The following PLXNB2 variants were observed in gnomAD, a reference collection of about 807,000 sequenced individuals.
PLXNB2 encodes the protein plexin B2, also known as plexin-B2.
Under a neutral mutation model 202.6 loss-of-function variants are expected in PLXNB2, and 85 were observed. That is an observed-to-expected ratio of 0.42 (90% CI 0.35 to 0.50). The LOEUF is 0.50. Ranked by LOEUF, PLXNB2 falls within the 20% of genes least tolerant of loss-of-function variation. PLXNB2 has a pLI of 0.02. For synonymous variants in PLXNB2, 1,239 were observed against 1,137.6 expected (o/e 1.09, Z -1.79); for missense variants, 2,063 against 2,586.2 (o/e 0.80, Z 4.39).
intron 1 of PLXNB2, among the ~76,000 whole-genome samples, chr22:50,295,591 C>CTA (rs2067204141): frequency 6.6e-6 from 1 of 152,200 alleles, no homozygotes; most frequent in South Asian, 2.1e-4. Context: ...TAAACACCGA[C>CTA]TATACCCACA....
At position 50,286,037 on chromosome 22, in the gene PLXNB2, G is replaced by A. The variant is rs371571515; in HGVS notation, c.1939C>T (p.Arg647Trp). 9.3e-6 allele frequency: 15 copies of A among 1,612,268 alleles called. No homozygotes were observed. The highest frequency in any genetic ancestry group is 6.7e-5 in the East Asian group (3 of 44,884). ...TCCTCAGGGTTGGGCGAAGCCTCCC[G>A]GCACTCGTGGTAGCGCAGGTCCCAC... ...CQWDLRYHEC[R>W]EASPNPEDGI... Residue 647 changes from arginine (R) to tryptophan (W), a missense_variant, in exon 10 of 37, where the codon CGG (arginine) becomes TGG (tryptophan). Transcript: ENST00000359337.
chr22:50,285,717 C>T, intron 11 of PLXNB2, 83 bp downstream of exon 11: 2 of 909,576 alleles, frequency 2.2e-6, no homozygotes. Context: ...TCCCTCCGTA[C>T]CTGAGCCTGC....
At chr22:50,277,015 G>A in intron 33 of PLXNB2, 109 bp from the exon 34 acceptor site, 2 of 769,356 alleles carry the variant, frequency 2.6e-6, no homozygotes, top group Non-Finnish European at 4.4e-6. Context: ...CTTTCATCAA[G>A]AAAACTATGG....
chr22:50,301,181 C>T (rs1157325972), intron 1 of PLXNB2, among the ~76,000 whole-genome samples: 4 of 152,198 alleles, frequency 2.6e-5, no homozygotes, highest in Non-Finnish European at 5.9e-5. Flanking sequence ...CAGTTGGCTA[C>T]GGCGCCCTGT....
intron 7 of PLXNB2, 35 bp from the exon 8 acceptor site, chr22:50,287,299 C>T: frequency 1.4e-6 from 2 of 1,455,766 alleles, no homozygotes; most frequent in Non-Finnish European, 1.8e-6. Flanking sequence ...CACTGGGAAC[C>T]CCGAGTCCTG....
chr22:50,278,018 G>C lies in PLXNB2; in HGVS notation c.4888-5C>G, dbSNP rs372462522. On this transcript the variant is annotated splice_region_variant and splice_polypyrimidine_tract_variant and intron_variant, in intron 31 of 36. Coordinates refer to ENST00000359337, the MANE Select transcript of PLXNB2 (RefSeq NM_012401.4). ...CACAAACTGCTGCAGTGTGCCCTGT[G>C]GGGGGGAGGGTCTCAGCGTGACGCC... is the stretch of plus-strand genomic sequence containing the variant. 2 of 1,607,214 alleles carry C rather than the reference G, an allele frequency of 1.2e-6. No individual in the cohort carries two copies. Among genetic ancestry groups the C allele is most frequent in the East Asian group, 2.2e-5 (1 of 44,788 alleles).
chr22:50,287,581 G>T lies in PLXNB2; in HGVS notation c.1608+86C>A, dbSNP rs968028783. On this transcript the variant is annotated intron_variant, in intron 7 of 36. Transcript: ENST00000359337. ...CGGGGGAGATGTGGAGCCCTCCCCT[G>T]CCTGTCCCAACAGCTCCCAGCATGG... is the stretch of plus-strand genomic sequence containing the variant. 3.8e-6 allele frequency: 5 copies of T among 1,321,268 alleles called. No individual in the cohort carries two copies. The African/African-American group carries it at 5.8e-5, about 15-fold the overall frequency. 81.8% of individuals were successfully genotyped at this position (1,321,268 alleles called of 1,614,324 possible). A position where few individuals can be genotyped will look rare whatever the true frequency, so the allele number is the denominator to read the frequency against.
Position 50,285,921 on chromosome 22 carries a change from C to T in PLXNB2, c.1987-20G>A. 6.2e-7 allele frequency: 1 copy of T among 1,609,374 alleles called. No individual in the cohort carries two copies. Among genetic ancestry groups the T allele is most frequent in the Non-Finnish European group, 8.5e-7 (1 of 1,176,944 alleles). On this transcript the variant is annotated intron_variant, in intron 10 of 36. Transcript: ENST00000359337. Reference sequence around the variant, plus strand: ...GTCCTCCTGGGAGAGTAAGGCTGGTCAGGTGCTGCCTGGGCACAGCGGAGC... The same window carrying T: ...GTCCTCCTGGGAGAGTAAGGCTGGTTAGGTGCTGCCTGGGCACAGCGGAGC...
chr22:50,304,494 G>T (rs2067816899), intron 1 of PLXNB2, among the ~76,000 whole-genome samples: 1 of 152,178 alleles, frequency 6.6e-6, no homozygotes, highest in African/African-American at 2.4e-5. Flanking sequence ...TCCCTGGTAG[G>T]CAGAGAAAGG....
In PLXNB2 at chr22:50,278,636, T is replaced by A. The variant is rs761835002; in HGVS notation, c.4607A>T (p.Glu1536Val). Residue 1536 changes from glutamate to valine, a missense_variant, in exon 29 of 37, where the codon GAG becomes GTG. Glu to Val is a moderately radical substitution (Grantham distance 121). This residue lies in a region of PLXNB2 where 760 missense variants were observed against 1,109.4 expected (regional missense o/e 0.69). Coordinates refer to ENST00000359337, the MANE Select transcript of PLXNB2 (RefSeq NM_012401.4). ...GGTGTTGACGCGCTTCCACCGGCCCTCCCGCTGTGACGTCAGGTCCAGGTC... is the reference window on the plus strand; with the variant it reads ...GGTGTTGACGCGCTTCCACCGGCCCACCCGCTGTGACGTCAGGTCCAGGTC... ...LSDLDLTSQREGRWKRVNTLM... is the reference protein window; with the variant it reads ...LSDLDLTSQRVGRWKRVNTLM... 1.9e-6 allele frequency: 3 copies of A among 1,612,850 alleles called. No homozygotes were observed. Among genetic ancestry groups the A allele is most frequent in the Non-Finnish European group, 2.5e-6 (3 of 1,179,864 alleles).
intron 1 of PLXNB2, among the ~76,000 whole-genome samples, chr22:50,301,195 C>CA (rs1409660024): frequency 6.6e-6 from 1 of 152,206 alleles, no homozygotes; most frequent in African/African-American, 2.4e-5. Flanking sequence ...GCCCTGTCCC[C>CA]ACACGCACCA....
At position 50,290,101 on chromosome 22, in the gene PLXNB2, G is replaced by A; in HGVS notation, c.484C>T (p.Pro162Ser). Residue 162 changes from proline (P) to serine (S), a missense_variant, in exon 3 of 37, where the codon CCT becomes TCT. Coordinates refer to ENST00000359337, the MANE Select transcript of PLXNB2 (RefSeq NM_012401.4). ...ACAAACAGCACGCGGTCACCACCAG[G>A]ACCCGTGGAGCTCACCAGCCCCACT... ...ATVGLVSSTG[P>S]GGDRVLFVGK... 6.2e-7 allele frequency: 1 copy of A among 1,613,162 alleles called. No homozygotes were observed. Among genetic ancestry groups the A allele is most frequent in the Non-Finnish European group, 8.5e-7 (1 of 1,180,006 alleles).
At chr22:50,303,636 G>A (rs1339510383) in intron 1 of PLXNB2, among the ~76,000 whole-genome samples, 4 of 152,250 alleles carry the variant, frequency 2.6e-5, no homozygotes, top group Admixed American at 6.5e-5. Context: ...CGCTTGCTGC[G>A]GGACTCAGCT....
chr22:50,278,379 T>G, intron 30 of PLXNB2, 56 bp downstream of exon 30: 1 of 1,556,046 alleles, frequency 6.4e-7, no homozygotes, highest in African/African-American at 1.4e-5. Flanking sequence ...AGGGCAGACA[T>G]GGTCCACGCT....
At position 50,300,291 on chromosome 22, in the gene PLXNB2, A is replaced by ATCG. The variant is rs200878117; in HGVS notation, c.-73-5516_-73-5514dup. 2,055 of 985,282 alleles carry ATCG rather than the reference A, an allele frequency of 2.1e-3. 45 individuals carry two copies. In the African/African-American group the frequency reaches 0.033, roughly 16 times the overall value. The allele number at this position is 985,282 out of a possible 1,614,324, so 61.0% of individuals were successfully genotyped here. On this transcript the variant is annotated intron_variant, in intron 1 of 36. Transcript: ENST00000359337. ...GGGGCGCTCACCTGGCGTCGGGCAC[A>ATCG]TCGGATCGCACAGCCGGCCATTACC... is the stretch of plus-strand genomic sequence containing the variant.
chr22:50,278,307 G>T lies in PLXNB2; in HGVS notation c.4733-36C>A, dbSNP rs1051626606. On this transcript the variant is annotated intron_variant, in intron 30 of 36. Coordinates refer to ENST00000359337, the MANE Select transcript of PLXNB2 (RefSeq NM_012401.4). ...CGGGCACTGAGGGACCCCTACCCAGGTCTGGGGGCCTGGGTCCCACAGGGA... is the reference window on the plus strand; with the variant it reads ...CGGGCACTGAGGGACCCCTACCCAGTTCTGGGGGCCTGGGTCCCACAGGGA... The T allele has an allele frequency of 3.1e-6, 5 of 1,607,470 alleles. No homozygotes were observed. The East Asian group carries it at 1.1e-4, about 36-fold the overall frequency.
chr22:50,292,337 CAAAAAAAA>C (rs533891085), intron 2 of PLXNB2, among the ~76,000 whole-genome samples: 3 of 71,024 alleles, frequency 4.2e-5, no homozygotes, highest in African/African-American at 5.6e-5. Flanking sequence ...GACTCTGTCT[CAAAAAAAA>C]AAAAAAAAAA....
chr22:50,278,772 A>G, intron 28 of PLXNB2, 76 bp from the exon 29 acceptor site: 1 of 1,588,050 alleles, frequency 6.3e-7, no homozygotes, highest in East Asian at 2.3e-5. Flanking sequence ...CATATGAGAA[A>G]GCTGGCCAGG....
intron 2 of PLXNB2, among the ~76,000 whole-genome samples, chr22:50,293,240 C>CAGGGG (rs1386563904): frequency 6.6e-6 from 1 of 152,190 alleles, no homozygotes; most frequent in Non-Finnish European, 1.5e-5. Context: ...GTGGCCTGTC[C>CAGGGG]AGGGGAGAGG....
Sources: allele counts gnomAD v4.1 joint callset (sites outside exome capture counted in the v4.1 genomes callset), GRCh38; gene constraint gnomAD v4.1.1; regional missense constraint gnomAD v4.1.1; transcripts MANE v1.5; gene names NCBI Gene and HGNC (gene_info 2026-07-23, HGNC 2026-07-21).